The following NAT8L variants were observed in gnomAD, a reference collection of about 807,000 sequenced individuals.
NAT8L encodes aspartate N-acetyltransferase.
A neutral mutation model predicts 21.2 loss-of-function variants in NAT8L; 6 were observed. That is an observed-to-expected ratio of 0.28 (90% CI 0.16 to 0.56). NAT8L has a LOEUF of 0.56. Ranked by LOEUF, NAT8L falls within the 20% of genes least tolerant of loss-of-function variation. The pLI is 0.93. For synonymous variants in NAT8L, 239 were observed against 204.9 expected, an observed-to-expected ratio of 1.17 and a Z score of -1.42; for missense variants, 331 against 433.3, an observed-to-expected ratio of 0.76 and a Z score of 2.10.
In NAT8L at chr4:2,060,751, G is replaced by A. The variant is rs1428999401; in HGVS notation, c.377-247G>A. 6.6e-6 allele frequency among the ~76,000 whole-genome samples: 1 copy of A among 152,114 alleles called. No homozygotes were observed. Among genetic ancestry groups the A allele is most frequent in the Non-Finnish European group, 1.5e-5 (1 of 68,000 alleles). On this transcript the variant is annotated intron_variant, in intron 1 of 2. Coordinates refer to ENST00000423729, the MANE Select transcript of NAT8L (RefSeq NM_178557.4). This position sits in a 1 kb window ranked among gnomAD's most constrained non-coding sequence, Gnocchi z 4.7. The stretch of plus-strand genomic sequence containing the variant: ...CCTTCCCGGCCCGGCCATCCCGAGG[G>A]TGTCCTGCCGTGTTTGGAAGCTCAG...
intron 2 of NAT8L, among the ~76,000 whole-genome samples, chr4:2,061,446 C>T (rs1311281787): frequency 1.3e-5 from 2 of 152,230 alleles, no homozygotes; most frequent in Admixed American, 6.5e-5. Flanking sequence ...TGCGGTGGGG[C>T]AAGGGCCGCT....
At position 2,062,783 on chromosome 4, in the gene NAT8L, G is replaced by T. The variant is rs545928221; in HGVS notation, c.542-977G>T. On this transcript the variant is annotated intron_variant, in intron 2 of 2. Transcript: ENST00000423729. ...GGGATGGGAGGGCTTCCCGGGGCTC[G>T]GGGCAGGTGCAGAGCCTCCTTGAGT... Among the ~76,000 whole-genome samples the T allele has an allele frequency of 1.3e-3, 192 of 152,238 alleles. 2 individuals carry two copies. Among genetic ancestry groups the T allele is most frequent in the Admixed American group, 0.012 (189 of 15,302 alleles).
chr4:2,063,568 T>G (rs1231998604), intron 2 of NAT8L, among the ~76,000 whole-genome samples, 192 bp from the exon 3 acceptor site: 2 of 152,192 alleles, frequency 1.3e-5, no homozygotes, highest in Non-Finnish European at 2.9e-5. Context: ...TCCTGAATAG[T>G]GGCTGCCCCC....
Position 2,066,174 on chromosome 4 carries a change from G to C in NAT8L, c.*2047G>C, listed in dbSNP as rs903942792. ...GGGCCTGGAGGCCCAGGGACTGCCA[G>C]TGTCTCCTTGATATTGATCCTAGCA... On this transcript the variant is annotated 3_prime_UTR_variant, in exon 3 of 3. Coordinates refer to ENST00000423729, the MANE Select transcript of NAT8L (RefSeq NM_178557.4). The C allele has an allele frequency of 6.6e-6, 1 of 152,332 alleles. No homozygotes were observed. The highest frequency in any genetic ancestry group is 1.5e-5 in the Non-Finnish European group (1 of 68,076). 9.4% of individuals were successfully genotyped at this position (152,332 alleles called of 1,614,324 possible). A position where few individuals can be genotyped will look rare whatever the true frequency, so the allele number is the denominator to read the frequency against.
intron 2 of NAT8L, among the ~76,000 whole-genome samples, chr4:2,063,210 C>A (rs1383206901): frequency 6.6e-6 from 1 of 152,280 alleles, no homozygotes; most frequent in African/African-American, 2.4e-5. Flanking sequence ...CTTTGCTGAC[C>A]CCTGCCCTTT....
chr4:2,066,557 G>A lies in NAT8L; in HGVS notation c.*2430G>A, dbSNP rs1242832596. The A allele has an allele frequency of 2.0e-5, 3 of 152,336 alleles. No homozygotes were observed. In the East Asian group the frequency reaches 5.8e-4, roughly 29 times the overall value. The allele number at this position is 152,336 out of a possible 1,614,324, so 9.4% of individuals were successfully genotyped here. On this transcript the variant is annotated 3_prime_UTR_variant, in exon 3 of 3. Coordinates refer to ENST00000423729, the MANE Select transcript of NAT8L (RefSeq NM_178557.4). The stretch of plus-strand genomic sequence containing the variant: ...CTGGAGGCCGGGTGCCTGGTGGGTG[G>A]GCCTGACCTGGCCCACCTCATCCCT...
Position 2,060,206 on chromosome 4 carries a change from G to A in NAT8L, c.376+319G>A, listed in dbSNP as rs1729826303. 6.6e-6 allele frequency among the ~76,000 whole-genome samples: 1 copy of A among 152,022 alleles called. No individual in the cohort carries two copies. Among genetic ancestry groups the A allele is most frequent in the Admixed American group, 6.5e-5 (1 of 15,284 alleles). The stretch of plus-strand genomic sequence containing the variant: ...TGCCAGGGCAGGTAGCGCCCGCCGC[G>A]GCTGGGCCCCGGCGAGTGCCTAAAT... On this transcript the variant is annotated intron_variant, in intron 1 of 2. Coordinates refer to ENST00000423729, the MANE Select transcript of NAT8L (RefSeq NM_178557.4). The surrounding 1 kb of genome is among the most constrained non-coding windows in gnomAD (Gnocchi z 4.7).
intron 2 of NAT8L, among the ~76,000 whole-genome samples, chr4:2,062,137 T>C (rs575585541): frequency 2.5e-4 from 38 of 152,230 alleles, no homozygotes; most frequent in Non-Finnish European, 4.0e-4. Flanking sequence ...ATGGCCCTGC[T>C]CCCTCTGGGC....
chr4:2,059,781 G>A lies in NAT8L; in HGVS notation c.270G>A (p.Ala90=). The A allele has an allele frequency of 1.5e-6, 2 of 1,360,196 alleles. No individual in the cohort carries two copies. Among genetic ancestry groups the A allele is most frequent in the Non-Finnish European group, 1.9e-6 (2 of 1,045,346 alleles). The allele number at this position is 1,360,196 out of a possible 1,614,324, so 84.3% of individuals were successfully genotyped here. ...IREFRAAEQE[A]ARRIFYDGIM... is the part of the protein sequence containing the mutation. ...AGTTCCGTGCGGCCGAGCAGGAGGC[G>A]GCGCGCCGCATCTTCTACGACGGCA... Residue 90 remains alanine (A), a synonymous_variant, in exon 1 of 3, where the codon GCG becomes GCA. Transcript: ENST00000423729. The surrounding 1 kb of genome is among the most constrained non-coding windows in gnomAD (Gnocchi z 4.8).
rs181109698 is a variant in NAT8L, at chr4:2,062,241, G to A, written c.541+1079G>A. The stretch of plus-strand genomic sequence containing the variant: ...GAGGCTGGATAGCTGCTGATGGCCC[G>A]TGGTGGATTCTGGGAGCTGCTTGTG... On this transcript the variant is annotated intron_variant, in intron 2 of 2. Transcript: ENST00000423729. Among the ~76,000 whole-genome samples, 248 of 152,294 alleles carry A rather than the reference G, an allele frequency of 1.6e-3. 1 individual carries two copies. The highest frequency in any genetic ancestry group is 5.7e-3 in the African/African-American group (235 of 41,558).
In NAT8L at chr4:2,063,819, G is replaced by A. The variant is rs903179580; in HGVS notation, c.601G>A (p.Ala201Thr). The A allele has an allele frequency of 6.2e-7, 1 of 1,612,278 alleles. No individual in the cohort carries two copies. The highest frequency in any genetic ancestry group is 8.5e-7 in the Non-Finnish European group (1 of 1,179,958). Residue 201 changes from alanine to threonine, a missense_variant, in exon 3 of 3, where the codon GCC (alanine) becomes ACC (threonine). Transcript: ENST00000423729. ...GNVVGIVAARAHEEDNTVELL... is the reference protein window; with the variant it reads ...GNVVGIVAARTHEEDNTVELL... ...CGTGGTGGGCATTGTGGCTGCACGG[G>A]CCCACGAGGAGGACAACACGGTGGA...
chr4:2,064,133 G>GCCGCTCGC lies in NAT8L; in HGVS notation c.*11_*18dup. The GCCGCTCGC allele has an allele frequency of 6.5e-7, 1 of 1,543,848 alleles. No homozygotes were observed. Among genetic ancestry groups the GCCGCTCGC allele is most frequent in the Non-Finnish European group, 8.7e-7 (1 of 1,151,230 alleles). The stretch of plus-strand genomic sequence containing the variant: ...TGCAGCTGCGCGAGGAGTGACCGCC[G>GCCGCTCGC]CCGCTCGCCCGCCCGCCCCCCCGGC... On this transcript the variant is annotated 3_prime_UTR_variant, in exon 3 of 3. Transcript: ENST00000423729.
chr4:2,063,716 C>T, intron 2 of NAT8L, 44 bp from the exon 3 acceptor site: 1 of 1,604,904 alleles, frequency 6.2e-7, no homozygotes, highest in Non-Finnish European at 8.5e-7. Flanking sequence ...GGGGTCTCCC[C>T]AGCCTTCCTC....
chr4:2,063,618 G>T lies in NAT8L; in HGVS notation c.542-142G>T. 3.4e-6 allele frequency: 5 copies of T among 1,488,072 alleles called. No individual in the cohort carries two copies. The South Asian group carries it at 3.5e-5, about 10-fold the overall frequency. The allele number at this position is 1,488,072 out of a possible 1,614,324, so 92.2% of individuals were successfully genotyped here. A position where few individuals can be genotyped will look rare whatever the true frequency, so the allele number is the denominator to read the frequency against. ...CAGAGCTGGTAGCTAGGCCCCGGGG[G>T]CTGCCGGGATTGGGTGTCCCACTGC... On this transcript the variant is annotated intron_variant, in intron 2 of 2. Coordinates refer to ENST00000423729, the MANE Select transcript of NAT8L (RefSeq NM_178557.4).
rs754982035 is a variant in NAT8L, at chr4:2,063,908, G to A, written c.690G>A (p.Arg230=). The change falls in exon 3 of 3, where the codon CGG becomes CGA. Residue 230 remains arginine, a synonymous_variant. Coordinates refer to ENST00000423729, the MANE Select transcript of NAT8L (RefSeq NM_178557.4). ...AGGGCATCGCCAAGGCGCTGGGCCG[G>A]AAGGTGCTGGAGTTCGCCGTGGTGC... ...RGKGIAKALG[R]KVLEFAVVHN... The A allele has an allele frequency of 7.4e-6, 12 of 1,612,338 alleles. No individual in the cohort carries two copies. The highest frequency in any genetic ancestry group is 1.3e-5 in the African/African-American group (1 of 75,074).
intron 2 of NAT8L, among the ~76,000 whole-genome samples, chr4:2,062,262 T>C (rs974498092): frequency 6.6e-6 from 1 of 152,118 alleles, no homozygotes; most frequent in African/African-American, 2.4e-5. Flanking sequence ...TGGGAGCTGC[T>C]TGTGCACATG....
Position 2,059,440 on chromosome 4 carries a change from C to T in NAT8L, c.-72C>T. On this transcript the variant is annotated 5_prime_UTR_variant, in exon 1 of 3. Transcript: ENST00000423729. This position sits in a 1 kb window ranked among gnomAD's most constrained non-coding sequence, Gnocchi z 4.8. ...CGCCGCGGGTCCGAGGGCGCCGCGC[C>T]CTTGCCCTGGGCCCGGCCGTGCCCG... 1 of 731,154 alleles carries T rather than the reference C, an allele frequency of 1.4e-6. No individual in the cohort carries two copies. The highest frequency in any genetic ancestry group is 1.7e-6 in the Non-Finnish European group (1 of 601,152). The allele number at this position is 731,154 out of a possible 1,614,324, so 45.3% of individuals were successfully genotyped here.
Position 2,064,017 on chromosome 4 carries a change from A to G in NAT8L, c.799A>G (p.Met267Val), listed in dbSNP as rs936596214. 9 of 1,611,738 alleles carry G rather than the reference A, an allele frequency of 5.6e-6. No individual in the cohort carries two copies. The highest frequency in any genetic ancestry group is 3.3e-5 in the South Asian group (3 of 91,022). The stretch of plus-strand genomic sequence containing the variant: ...CTACGAGTCGCTGGGCTTCAGACAC[A>G]TGGGCGCCAGTGACCACTACGTGCT... ...KLYESLGFRHMGASDHYVLPG... is the reference protein window; with the variant it reads ...KLYESLGFRHVGASDHYVLPG... The change falls in exon 3 of 3, where the codon ATG (methionine) becomes GTG (valine). Residue 267 changes from methionine to valine, a missense_variant. This residue lies in a region of NAT8L where 132 missense variants were observed against 237.1 expected (regional missense o/e 0.56). Transcript: ENST00000423729.
rs767504084 is a variant in NAT8L, at chr4:2,064,065, G to C, written c.847G>C (p.Ala283Pro). ...YVLPGMTLSL[A>P]ERLFFQVRYH... ...GCTGCCGGGCATGACCCTCTCGCTGGCTGAGCGCCTCTTCTTCCAGGTCCG... is the reference window on the plus strand; with the variant it reads ...GCTGCCGGGCATGACCCTCTCGCTGCCTGAGCGCCTCTTCTTCCAGGTCCG... The change falls in exon 3 of 3, where the codon GCT becomes CCT. Residue 283 changes from alanine to proline, a missense_variant. Physicochemically the swap from Ala to Pro is conservative, Grantham distance 27. Coordinates refer to ENST00000423729, the MANE Select transcript of NAT8L (RefSeq NM_178557.4). The C allele has an allele frequency of 1.1e-5, 17 of 1,609,388 alleles. No homozygotes were observed. Among genetic ancestry groups the C allele is most frequent in the Non-Finnish European group, 1.4e-5 (16 of 1,179,228 alleles).
Sources: gnomAD v4.1 joint callset for allele counts (sites outside exome capture counted in the v4.1 genomes callset) on GRCh38, gnomAD v4.1.1 for gene constraint, gnomAD v4.1.1 regional missense constraint, Gnocchi (gnomAD v3.1) non-coding constraint, MANE v1.5 for transcripts, NCBI Gene and HGNC (gene_info 2026-07-23, HGNC 2026-07-21) for gene names.